The following LPIN1 variants were observed in gnomAD, a reference collection of about 807,000 sequenced individuals.
LPIN1 encodes lipin 1.
A neutral mutation model predicts 107.5 loss-of-function variants in LPIN1; 71 were observed. That is an observed-to-expected ratio of 0.66 (90% CI 0.55 to 0.80). The LOEUF is 0.80. LPIN1 is among the 30% of genes least tolerant of loss of function. The pLI is 0.00. For missense variants in LPIN1, 1,043 were observed against 1,160.6 expected (o/e 0.90, Z 1.47); for synonymous variants, 445 against 452.6 (o/e 0.98, Z 0.21).
At chr2:11,792,789 A>T (rs1019025149) in intron 13 of LPIN1, among the ~76,000 whole-genome samples, 1 of 152,150 alleles carries the variant, frequency 6.6e-6, no homozygotes, top group Non-Finnish European at 1.5e-5. Flanking sequence ...GTTCATGTCT[A>T]TGAGTGCCTG....
At chr2:11,713,846 G>T (rs1424485902) in intron 2 of LPIN1, 1 of 1,416,386 alleles carries the variant, frequency 7.1e-7, no homozygotes, top group Non-Finnish European at 9.6e-7. Context: ...TCGTTGTTAT[G>T]CTTTTACATT....
At chr2:11,785,228 TG>T (rs1674345136) in intron 10 of LPIN1, 152 bp downstream of exon 10, 8 of 649,226 alleles carry the variant, frequency 1.2e-5, no homozygotes, top group Non-Finnish European at 2.1e-5. Context: ...ATAATCCCGA[TG>T]TTTCTGGCTT....
intron 18 of LPIN1, chr2:11,819,132 G>C (rs1681104017): frequency 3.8e-6 from 1 of 264,150 alleles, no homozygotes; most frequent in South Asian, 4.3e-5. Flanking sequence ...TCCACACTTT[G>C]CCCATACTTT....
intron 1 of LPIN1, among the ~76,000 whole-genome samples, chr2:11,689,279 A>G (rs1405098689): frequency 6.6e-6 from 1 of 152,176 alleles, no homozygotes; most frequent in Non-Finnish European, 1.5e-5. Context: ...TGGTCGTTTC[A>G]AAGTATTCTG....
chr2:11,804,592 G>T, intron 16 of LPIN1, 21 bp downstream of exon 16: 2 of 1,611,866 alleles, frequency 1.2e-6, no homozygotes, highest in Non-Finnish European at 8.5e-7. Flanking sequence ...CTGACTTGGG[G>T]CCCATGGTAG....
chr2:11,726,185 G>T, intron 1 of LPIN1, among the ~76,000 whole-genome samples: 1 of 152,100 alleles, frequency 6.6e-6, no homozygotes, highest in East Asian at 1.9e-4. Flanking sequence ...TGAAATGTCC[G>T]CCATAGCCAG....
chr2:11,752,847 C>T (rs922162806), intron 1 of LPIN1, among the ~76,000 whole-genome samples: 2 of 152,106 alleles, frequency 1.3e-5, no homozygotes, highest in Admixed American at 6.5e-5. Flanking sequence ...AAGAAAGCAG[C>T]GTTTCTTGGC....
intron 20 of LPIN1, among the ~76,000 whole-genome samples, chr2:11,821,441 C>T (rs370347238): frequency 3.3e-5 from 5 of 152,138 alleles, no homozygotes; most frequent in Non-Finnish European, 7.4e-5. Context: ...CACTTGAACT[C>T]GGGAGGCAGA....
rs150822521 is a variant in LPIN1 at position 11,796,514 on chromosome 2, T to C, written c.1886+1027T>C. Among the ~76,000 whole-genome samples the C allele has an allele frequency of 4.7e-3, 713 of 152,240 alleles. 2 individuals carry two copies. Among genetic ancestry groups the C allele is most frequent in the African/African-American group, 0.013 (529 of 41,554 alleles). On this transcript the variant is annotated intron_variant, in intron 14 of 20. Transcript: ENST00000674199. ...GAGAAGAACAGGGTGGAGACGAGTG[T>C]GCGGGACCTGGTAGGGGTGAGTTTG...
intron 1 of LPIN1, among the ~76,000 whole-genome samples, chr2:11,759,255 C>G (rs188498804): frequency 6.0e-5 from 9 of 150,874 alleles, no homozygotes; most frequent in African/African-American, 2.2e-4. Context: ...GGTCATAGGA[C>G]AACAGTGGAG....
intron 1 of LPIN1, among the ~76,000 whole-genome samples, chr2:11,713,062 A>G (rs1238020850): frequency 6.6e-6 from 1 of 152,204 alleles, no homozygotes; most frequent in Non-Finnish European, 1.5e-5. Flanking sequence ...GCTAAGAAAC[A>G]GCAGAGGCAG....
intron 1 of LPIN1, among the ~76,000 whole-genome samples, chr2:11,753,028 G>A (rs969204210): frequency 2.0e-5 from 3 of 152,268 alleles, no homozygotes; most frequent in African/African-American, 7.2e-5. Context: ...GCTTTGGAGC[G>A]TCTGCTGTGT....
At chr2:11,740,092 G>T (rs1436330585) in intron 1 of LPIN1, among the ~76,000 whole-genome samples, 4 of 152,196 alleles carry the variant, frequency 2.6e-5, no homozygotes, top group African/African-American at 9.7e-5. Flanking sequence ...AGGGGCCATC[G>T]GTGCAGGTCC....
intron 7 of LPIN1, among the ~76,000 whole-genome samples, chr2:11,781,943 G>T (rs1673637680): frequency 6.6e-6 from 1 of 152,222 alleles, no homozygotes; most frequent in Admixed American, 6.5e-5. Context: ...ACAGCATTTA[G>T]GGTGCTCCTG....
intron 1 of LPIN1, among the ~76,000 whole-genome samples, chr2:11,734,201 T>A (rs1259766419): frequency 7.4e-4 from 113 of 152,270 alleles, no homozygotes; most frequent in African/African-American, 2.6e-3. Flanking sequence ...GACCAACTTT[T>A]CTTCTGTCCT....
intron 16 of LPIN1, 49 bp downstream of exon 16, chr2:11,804,620 T>TG: frequency 6.3e-7 from 1 of 1,596,652 alleles, no homozygotes; most frequent in South Asian, 1.1e-5. Context: ...TGCTTCACCG[T>TG]GGGGGTCTCT....
intron 14 of LPIN1, among the ~76,000 whole-genome samples, chr2:11,796,101 T>A (rs1316143424): frequency 6.6e-6 from 1 of 152,230 alleles, no homozygotes; most frequent in Non-Finnish European, 1.5e-5. Context: ...CACTGAATGA[T>A]TTGCGCTGTA....
Position 11,771,274 on chromosome 2 carries a change from C to G in LPIN1, c.289-98C>G, listed in dbSNP as rs1169212900. 8.3e-7 allele frequency: 1 copy of G among 1,212,036 alleles called. No individual in the cohort carries two copies. Among genetic ancestry groups the G allele is most frequent in the Non-Finnish European group, 1.2e-6 (1 of 824,526 alleles). The allele number at this position is 1,212,036 out of a possible 1,614,324, so 75.1% of individuals were successfully genotyped here. On this transcript the variant is annotated intron_variant, in intron 3 of 20. Transcript: ENST00000674199. The surrounding 1 kb of genome is among the most constrained non-coding windows in gnomAD (Gnocchi z 4.8). ...CTGCTGTGGCCCTCCCCAGGAGGTG[C>G]TTGGCCTCTGAAGTGAATCCTGGAG...
intron 1 of LPIN1, among the ~76,000 whole-genome samples, chr2:11,711,065 C>G (rs1013104679): frequency 1.3e-5 from 2 of 152,174 alleles, no homozygotes; most frequent in Non-Finnish European, 2.9e-5. Flanking sequence ...CATTTTGAAT[C>G]AGGGCCAAAT....
Sources: gnomAD v4.1 joint callset for allele counts (sites outside exome capture counted in the v4.1 genomes callset) on GRCh38, gnomAD v4.1.1 for gene constraint, Gnocchi (gnomAD v3.1) non-coding constraint, MANE v1.5 for transcripts, NCBI Gene and HGNC (gene_info 2026-07-23, HGNC 2026-07-21) for gene names.